Variants in FHIT observed in about 807,000 individuals in gnomAD.
The protein encoded by FHIT is bis(5'-adenosyl)-triphosphatase.
A neutral mutation model predicts 17.9 loss-of-function variants in FHIT; 19 were observed. That is an observed-to-expected ratio of 1.06 (90% confidence interval 0.74 to 1.56). FHIT has a LOEUF of 1.56. Ranked by LOEUF, FHIT falls within the 40% of genes most tolerant of loss-of-function variation. FHIT has a pLI of 0.00. For missense variants in FHIT, 248 were observed against 189.2 expected (o/e 1.31, Z -1.82); for synonymous variants, 81 against 69.7 (o/e 1.16, Z -0.81).
chr3:60,450,018 AAAAAG>A (rs2031622628), intron 5 of FHIT, among the ~76,000 whole-genome samples: 1 of 150,804 alleles, frequency 6.6e-6, no homozygotes, highest in Admixed American at 6.6e-5. Context: ...AAAAAAAAAA[AAAAAG>A]GCATAAAAGG....
rs373320884 is a variant in FHIT, at chr3:60,991,407, CA to C, written c.-111+50639del. On this transcript the variant is annotated intron_variant, in intron 3 of 9. Coordinates refer to ENST00000492590, the MANE Select transcript of FHIT (RefSeq NM_002012.4). ...TAGTATTTTATATTAATGACAAGGA[CA>C]GCCACCGAAGGTTCAAATCTCGGAA... 6.5e-3 allele frequency among the ~76,000 whole-genome samples: 985 copies of C among 152,290 alleles called. 5 individuals are homozygous for C. The highest frequency in any genetic ancestry group is 9.5e-3 in the Non-Finnish European group (647 of 68,032).
chr3:61,010,126 A>G (rs925717728), intron 3 of FHIT, among the ~76,000 whole-genome samples: 4 of 152,168 alleles, frequency 2.6e-5, no homozygotes, highest in African/African-American at 4.8e-5. Flanking sequence ...ATCTCTGCGC[A>G]TATCTTCAAT....
At chr3:60,966,773 C>G (rs546391575) in intron 3 of FHIT, among the ~76,000 whole-genome samples, 1 of 152,282 alleles carries the variant, frequency 6.6e-6, no homozygotes, top group East Asian at 1.9e-4. Flanking sequence ...GCAATTGGAA[C>G]AGAAGATATG....
At chr3:60,303,207 C>G (rs1708520067) in intron 5 of FHIT, among the ~76,000 whole-genome samples, 1 of 152,106 alleles carries the variant, frequency 6.6e-6, no homozygotes, top group Non-Finnish European at 1.5e-5. Context: ...TCAGAAGAAA[C>G]TATTTCTTTT....
chr3:61,058,127 C>T (rs1044185676), intron 2 of FHIT, among the ~76,000 whole-genome samples: 4 of 151,998 alleles, frequency 2.6e-5, no homozygotes, highest in Admixed American at 6.5e-5. Flanking sequence ...CCTCATAGAC[C>T]ACTTAGAACA....
At chr3:60,561,063 C>A (rs917520044) in intron 4 of FHIT, among the ~76,000 whole-genome samples, 1 of 151,982 alleles carries the variant, frequency 6.6e-6, no homozygotes, top group Non-Finnish European at 1.5e-5. Flanking sequence ...TGGATTCATT[C>A]ATTGCACTTT....
At chr3:59,771,237 T>G (rs1210668889) in intron 8 of FHIT, among the ~76,000 whole-genome samples, 1 of 152,144 alleles carries the variant, frequency 6.6e-6, no homozygotes, top group Non-Finnish European at 1.5e-5. Context: ...ACAGGTGGGC[T>G]TTCCCAAGAT....
intron 5 of FHIT, among the ~76,000 whole-genome samples, chr3:60,014,684 A>C (rs1173586997): frequency 6.6e-6 from 1 of 152,248 alleles, no homozygotes; most frequent in African/African-American, 2.4e-5. Context: ...ACATTCTGAA[A>C]ATGTACAGTG....
At chr3:59,997,243 G>A (rs1052234256) in intron 7 of FHIT, among the ~76,000 whole-genome samples, 9 of 152,140 alleles carry the variant, frequency 5.9e-5, no homozygotes, top group African/African-American at 2.2e-4. Flanking sequence ...CAAAGGCATT[G>A]ATGATTCTTT....
At chr3:60,780,539 C>A (rs914480270) in intron 4 of FHIT, among the ~76,000 whole-genome samples, 1 of 152,148 alleles carries the variant, frequency 6.6e-6, no homozygotes, top group Non-Finnish European at 1.5e-5. Flanking sequence ...TTCTAATAAC[C>A]TGGTTTGTCT....
intron 5 of FHIT, among the ~76,000 whole-genome samples, chr3:60,438,534 T>G (rs575089154): frequency 6.6e-6 from 1 of 152,276 alleles, no homozygotes; most frequent in East Asian, 1.9e-4. Context: ...GCTTTTCTTT[T>G]GCAGTAAATG....
intron 5 of FHIT, among the ~76,000 whole-genome samples, chr3:60,419,946 T>TA (rs1182948789): frequency 1.3e-5 from 2 of 152,182 alleles, no homozygotes; most frequent in African/African-American, 4.8e-5. Context: ...TAAACAAAGA[T>TA]AAAACCATTC....
chr3:60,763,007 A>C (rs1379042758), intron 4 of FHIT, among the ~76,000 whole-genome samples: 2 of 152,072 alleles, frequency 1.3e-5, no homozygotes, highest in Non-Finnish European at 2.9e-5. Context: ...CACCATTCTA[A>C]CTGGGTTTCT....
At chr3:60,930,151 C>G (rs1296201130) in intron 3 of FHIT, among the ~76,000 whole-genome samples, 4 of 151,376 alleles carry the variant, frequency 2.6e-5, no homozygotes, top group Non-Finnish European at 5.9e-5. Context: ...CTGGGGAAAC[C>G]TGGCTAGCCA....
chr3:60,011,631 C>CT (rs1322405350), intron 6 of FHIT, among the ~76,000 whole-genome samples: 4 of 152,222 alleles, frequency 2.6e-5, no homozygotes, highest in African/African-American at 9.6e-5. Flanking sequence ...AGCAAGCCAA[C>CT]TCCTTGCTAC....
intron 5 of FHIT, among the ~76,000 whole-genome samples, chr3:60,192,092 A>T (rs992090289): frequency 6.6e-6 from 1 of 151,904 alleles, no homozygotes; most frequent in East Asian, 1.9e-4. Flanking sequence ...CTCTACCAAA[A>T]ATATAAAAAT....
intron 2 of FHIT, among the ~76,000 whole-genome samples, chr3:61,180,763 G>A (rs978789734): frequency 6.6e-5 from 10 of 152,164 alleles, no homozygotes; most frequent in Admixed American, 1.3e-4. Context: ...AACTATGGGG[G>A]AGGGACCTTA....
At chr3:60,432,651 G>A (rs115875760) in intron 5 of FHIT, among the ~76,000 whole-genome samples, 2,315 of 152,118 alleles carry the variant, frequency 0.015, 65 homozygotes, top group African/African-American at 0.051. Flanking sequence ...CAATTGAGAA[G>A]GGTCATAGGA....
At chr3:59,952,291 T>C (rs750381776) in intron 7 of FHIT, among the ~76,000 whole-genome samples, 16 of 152,180 alleles carry the variant, frequency 1.1e-4, no homozygotes, top group Non-Finnish European at 2.4e-4. Context: ...ACCCACACTG[T>C]GCATTAAGTT....
Sources: allele counts gnomAD v4.1 joint callset (sites outside exome capture counted in the v4.1 genomes callset), GRCh38; gene constraint gnomAD v4.1.1; transcripts MANE v1.5; gene names NCBI Gene and HGNC (gene_info 2026-07-23, HGNC 2026-07-21).